The following LONRF2 variants were observed in gnomAD, a reference collection of about 807,000 sequenced individuals.
LONRF2 encodes the protein LON peptidase N-terminal domain and ring finger 2, also known as LON peptidase N-terminal domain and RING finger protein 2.
In LONRF2, 35 loss-of-function variants were observed where a neutral mutation model predicts 66.6. The observed-to-expected ratio is 0.53, with a 90% CI of 0.40 to 0.70. The LOEUF is 0.70. Ranked by LOEUF, LONRF2 falls within the 30% of genes least tolerant of loss-of-function variation. The pLI is 0.00. For missense variants in LONRF2, 902 were observed against 1,002.1 expected (o/e 0.90, Z 1.35); for synonymous variants, 417 against 418.1 (o/e 1.00, Z 0.03).
chr2:100,305,475 G>C (rs1277131413), intron 2 of LONRF2, among the ~76,000 whole-genome samples: 1 of 152,118 alleles, frequency 6.6e-6, no homozygotes, highest in East Asian at 1.9e-4. Flanking sequence ...AAATGTGAAG[G>C]TCTATTTTCA....
chr2:100,314,723 A>T (rs978596363), intron 1 of LONRF2, among the ~76,000 whole-genome samples: 13 of 152,086 alleles, frequency 8.5e-5, no homozygotes, highest in African/African-American at 3.1e-4. Flanking sequence ...ATTCAGGTTT[A>T]TTTTTTTCCA....
In LONRF2 at chr2:100,283,944, G is replaced by A. The variant is rs2309822; in HGVS notation, c.*354C>T. On this transcript the variant is annotated 3_prime_UTR_variant, in exon 12 of 12. Coordinates refer to ENST00000393437, the MANE Select transcript of LONRF2 (RefSeq NM_198461.4). ...CCTTTACCATCTGGCAGAGCCAGAT[G>A]CTGACTGGGAAGTGAATCCTTCTTT... 0.74 allele frequency: 125,339 copies of A among 170,030 alleles called. 47,471 individuals are homozygous for A. Among genetic ancestry groups the A allele is most frequent in the East Asian group, 0.96 (6,070 of 6,318 alleles). The allele number at this position is 170,030 out of a possible 1,614,324, so 10.5% of individuals were successfully genotyped here. A position where few individuals can be genotyped will look rare whatever the true frequency, so the allele number is the denominator to read the frequency against.
intron 10 of LONRF2, among the ~76,000 whole-genome samples, chr2:100,288,422 A>G (rs1293228708): frequency 2.6e-5 from 4 of 152,194 alleles, no homozygotes; most frequent in Admixed American, 2.6e-4. Context: ...CAACCAAAGA[A>G]TTTAAAAGAG....
chr2:100,317,475 G>T (rs1418310345), intron 1 of LONRF2, among the ~76,000 whole-genome samples: 2 of 152,018 alleles, frequency 1.3e-5, no homozygotes, highest in African/African-American at 4.8e-5. Context: ...TTTTATGTAT[G>T]TTACAAATAC....
In LONRF2 at chr2:100,298,931, T is replaced by A; in HGVS notation, c.1381A>T (p.Thr461Ser). The A allele has an allele frequency of 6.2e-7, 1 of 1,613,846 alleles. No individual in the cohort carries two copies. ...CAAAATGTGTGTCCACAGGGCGTAG[T>A]GACAGGTTCAAAGAGCAATCTGGAA... ...LCMRLLFEPV[T>S]TPCGHTFCLK... is the part of the protein sequence containing the mutation. Residue 461 changes from threonine (T) to serine (S), a missense_variant, in exon 7 of 12, where the codon ACT becomes TCT. Coordinates refer to ENST00000393437, the MANE Select transcript of LONRF2 (RefSeq NM_198461.4).
At position 100,283,204 on chromosome 2, in the gene LONRF2, T is replaced by C. The variant is rs1429418329; in HGVS notation, c.*1094A>G. On this transcript the variant is annotated 3_prime_UTR_variant, in exon 12 of 12. Coordinates refer to ENST00000393437, the MANE Select transcript of LONRF2 (RefSeq NM_198461.4). ...CAGATAACACCTGGTCTGATCACCG[T>C]AAAACTTTCTTTCAAAAAAATAAAG... 1 of 152,154 alleles carries C rather than the reference T, an allele frequency of 6.6e-6. No individual in the cohort carries two copies. The highest frequency in any genetic ancestry group is 1.5e-5 in the Non-Finnish European group (1 of 68,018). 9.4% of individuals were successfully genotyped at this position (152,154 alleles called of 1,614,324 possible). A position where few individuals can be genotyped will look rare whatever the true frequency, so the allele number is the denominator to read the frequency against.
At chr2:100,307,146 T>C (rs904394645) in intron 2 of LONRF2, among the ~76,000 whole-genome samples, 1 of 152,112 alleles carries the variant, frequency 6.6e-6, no homozygotes, top group Non-Finnish European at 1.5e-5. Context: ...GGTCTCGATC[T>C]CCTGACCTCG....
Position 100,279,362 on chromosome 2 carries a change from T to C in LONRF2, c.*4936A>G, listed in dbSNP as rs1674665772. Reference sequence around the variant, plus strand: ...ACTGCAGAACTACATTCTTGACTAATGCCACACACATGAGAGACTCAGCTA... The same window carrying C: ...ACTGCAGAACTACATTCTTGACTAACGCCACACACATGAGAGACTCAGCTA... On this transcript the variant is annotated 3_prime_UTR_variant, in exon 12 of 12. Coordinates refer to ENST00000393437, the MANE Select transcript of LONRF2 (RefSeq NM_198461.4). 6.7e-6 allele frequency: 1 copy of C among 149,744 alleles called. No individual in the cohort carries two copies. The highest frequency in any genetic ancestry group is 1.5e-5 in the Non-Finnish European group (1 of 67,308). The allele number at this position is 149,744 out of a possible 1,614,324, so 9.3% of individuals were successfully genotyped here. A position where few individuals can be genotyped will look rare whatever the true frequency, so the allele number is the denominator to read the frequency against.
intron 7 of LONRF2, among the ~76,000 whole-genome samples, 169 bp from the exon 8 acceptor site, chr2:100,295,722 C>T (rs912706974): frequency 2.0e-5 from 3 of 152,072 alleles, no homozygotes; most frequent in African/African-American, 4.8e-5. Context: ...AGGGGCAGCC[C>T]CTCCACTGTG....
At chr2:100,300,305 G>C (rs898910002) in intron 4 of LONRF2, among the ~76,000 whole-genome samples, 20 of 151,832 alleles carry the variant, frequency 1.3e-4, no homozygotes, top group African/African-American at 4.8e-4. Flanking sequence ...CAACGTGCAG[G>C]TTTGTTACAT....
intron 1 of LONRF2, among the ~76,000 whole-genome samples, chr2:100,319,505 T>G (rs1299727144): frequency 6.6e-6 from 1 of 152,174 alleles, no homozygotes; most frequent in Non-Finnish European, 1.5e-5. Flanking sequence ...TCACAATCAC[T>G]ATTCCCTTTT....
In LONRF2 at chr2:100,283,200, A is replaced by G. The variant is rs549977914; in HGVS notation, c.*1098T>C. On this transcript the variant is annotated 3_prime_UTR_variant, in exon 12 of 12. Coordinates refer to ENST00000393437, the MANE Select transcript of LONRF2 (RefSeq NM_198461.4). ...TTAACAGATAACACCTGGTCTGATCACCGTAAAACTTTCTTTCAAAAAAAT... is the reference window on the plus strand; with the variant it reads ...TTAACAGATAACACCTGGTCTGATCGCCGTAAAACTTTCTTTCAAAAAAAT... 6 of 152,294 alleles carry G rather than the reference A, an allele frequency of 3.9e-5. No individual in the cohort carries two copies. In the South Asian group the frequency reaches 6.2e-4, roughly 16 times the overall value. 9.4% of individuals were successfully genotyped at this position (152,294 alleles called of 1,614,324 possible).
In LONRF2 at chr2:100,321,812, C is replaced by A; in HGVS notation, c.282G>T (p.Glu94Asp). 1 of 1,092,118 alleles carries A rather than the reference C, an allele frequency of 9.2e-7. No homozygotes were observed. Among genetic ancestry groups the A allele is most frequent in the Middle Eastern group, 4.0e-4 (1 of 2,488 alleles). 67.7% of individuals were successfully genotyped at this position (1,092,118 alleles called of 1,614,324 possible). Reference protein sequence around the residue: ...AARLGALRPEELEELAGGLVR... With the variant: ...AARLGALRPEDLEELAGGLVR... ...CCAGGCCGCCCGCCAGCTCTTCCAG[C>A]TCCTCCGGCCGCAGCGCCCCGAGCC... Residue 94 changes from glutamate (E) to aspartate (D), a missense_variant, in exon 1 of 12, where the codon GAG becomes GAT. Glu to Asp is a conservative substitution (Grantham distance 45, BLOSUM62 2). Transcript: ENST00000393437.
At chr2:100,299,363 A>T (rs1217662910) in intron 5 of LONRF2, 44 bp from the exon 6 acceptor site, 1 of 1,156,598 alleles carries the variant, frequency 8.6e-7, no homozygotes, top group African/African-American at 1.6e-5. Flanking sequence ...ACACCTAAGC[A>T]CCTGAACAAC....
At chr2:100,286,791 C>G in intron 11 of LONRF2, 123 bp downstream of exon 11, 1 of 1,126,166 alleles carries the variant, frequency 8.9e-7, no homozygotes, top group Non-Finnish European at 1.2e-6. Flanking sequence ...AGTAGATGAA[C>G]TGGTTCATAA....
rs369002926 is a variant in LONRF2, at chr2:100,318,226, C to T, written c.679+3189G>A. On this transcript the variant is annotated intron_variant, in intron 1 of 11. Coordinates refer to ENST00000393437, the MANE Select transcript of LONRF2 (RefSeq NM_198461.4). ...TCTCATTCAGATTTCTGATGTGTGC[C>T]ATCTGGTTTGTAACAAATCTAATTC... Among the ~76,000 whole-genome samples, 20 of 152,234 alleles carry T rather than the reference C, an allele frequency of 1.3e-4. No individual in the cohort carries two copies. The South Asian group carries it at 1.7e-3, about 13-fold the overall frequency.
chr2:100,296,524 C>T (rs7571711), intron 7 of LONRF2, among the ~76,000 whole-genome samples: 5,689 of 152,188 alleles, frequency 0.037, 366 homozygotes, highest in African/African-American at 0.13. Context: ...GATGGCTCCA[C>T]GTATTTCCAA....
At position 100,281,221 on chromosome 2, in the gene LONRF2, G is replaced by A. The variant is rs1674711383; in HGVS notation, c.*3077C>T. Reference sequence around the variant, plus strand: ...TCCTTGATGATTCAAATGTCCTGTGGTAAGACTTAACATATATTAAGAGTT... The same window carrying A: ...TCCTTGATGATTCAAATGTCCTGTGATAAGACTTAACATATATTAAGAGTT... On this transcript the variant is annotated 3_prime_UTR_variant, in exon 12 of 12. Transcript: ENST00000393437. The A allele has an allele frequency of 6.6e-6, 1 of 152,036 alleles. No homozygotes were observed. The highest frequency in any genetic ancestry group is 2.1e-4 in the South Asian group (1 of 4,820). 9.4% of individuals were successfully genotyped at this position (152,036 alleles called of 1,614,324 possible). A position where few individuals can be genotyped will look rare whatever the true frequency, so the allele number is the denominator to read the frequency against.
At chr2:100,306,933 T>G (rs1166938686) in intron 2 of LONRF2, among the ~76,000 whole-genome samples, 1 of 151,092 alleles carries the variant, frequency 6.6e-6, no homozygotes, top group African/African-American at 2.4e-5. Context: ...CTCTTTTTTT[T>G]TTTTTGAGGT....
Sources: allele counts gnomAD v4.1 joint callset (sites outside exome capture counted in the v4.1 genomes callset), GRCh38; gene constraint gnomAD v4.1.1; transcripts MANE v1.5; gene names NCBI Gene and HGNC (gene_info 2026-07-23, HGNC 2026-07-21).